The following SUGCT variants were observed in gnomAD, a reference collection of about 807,000 sequenced individuals.
SUGCT encodes succinyl-CoA:glutarate-CoA transferase.
Under a neutral mutation model 55.0 loss-of-function variants are expected in SUGCT, and 41 were observed. The ratio of observed to expected loss-of-function variants is 0.74; its 90% CI spans 0.58 to 0.97. SUGCT has a LOEUF of 0.97. SUGCT is among the 50% of genes least tolerant of loss of function. SUGCT has a pLI of 0.00. For missense variants in SUGCT, 568 were observed against 547.8 expected, an observed-to-expected ratio of 1.04 and a Z score of -0.37; for synonymous variants, 187 against 200.4, an observed-to-expected ratio of 0.93 and a Z score of 0.56.
At chr7:40,166,250 G>T (rs2150663376) in intron 1 of SUGCT, among the ~76,000 whole-genome samples, 1 of 152,318 alleles carries the variant, frequency 6.6e-6, no homozygotes, top group Admixed American at 6.5e-5. Flanking sequence ...TTCAGATGAG[G>T]AAAGGGAAGC....
intron 12 of SUGCT, among the ~76,000 whole-genome samples, chr7:40,672,658 T>G (rs1203926286): frequency 6.6e-5 from 10 of 152,156 alleles, no homozygotes; most frequent in Admixed American, 6.5e-4. Flanking sequence ...CTTTACTCTA[T>G]CAATGTCAAC....
chr7:40,772,534 CTATCTATCTATCTATCTATCTATCTA>C, intron 13 of SUGCT, among the ~76,000 whole-genome samples: 2 of 151,092 alleles, frequency 1.3e-5, no homozygotes, highest in Non-Finnish European at 1.5e-5. Flanking sequence ...ATCTATCTAT[CTATCTATCTATCTATCTATCTATCTA>C]TCTGGTGTTA....
At chr7:40,391,629 A>G (rs1785437416) in intron 9 of SUGCT, among the ~76,000 whole-genome samples, 1 of 152,096 alleles carries the variant, frequency 6.6e-6, no homozygotes, top group Non-Finnish European at 1.5e-5. Flanking sequence ...AAAAGTCAGG[A>G]AACAACAGGT....
chr7:40,489,830 G>A (rs552754292), intron 11 of SUGCT, among the ~76,000 whole-genome samples: 2 of 152,266 alleles, frequency 1.3e-5, no homozygotes, highest in South Asian at 2.1e-4. Flanking sequence ...TATTTTGTCC[G>A]TTTGGTGATG....
intron 12 of SUGCT, among the ~76,000 whole-genome samples, chr7:40,694,193 A>G (rs1784822756): frequency 6.6e-6 from 1 of 152,214 alleles, no homozygotes; most frequent in Non-Finnish European, 1.5e-5. Context: ...CCAAGTGTGA[A>G]TGAGGAAGAT....
chr7:40,797,901 C>G (rs775040530), intron 13 of SUGCT, among the ~76,000 whole-genome samples: 6 of 152,228 alleles, frequency 3.9e-5, no homozygotes, highest in Non-Finnish European at 4.4e-5. Context: ...TTCACCTTCC[C>G]TGCTTGTCTT....
chr7:40,631,744 T>G (rs961104806), intron 12 of SUGCT, among the ~76,000 whole-genome samples: 2 of 152,232 alleles, frequency 1.3e-5, no homozygotes, highest in Non-Finnish European at 2.9e-5. Context: ...GACCACTGAG[T>G]TAAGATTCCC....
the SUGCT span, among the ~76,000 whole-genome samples, chr7:40,912,714 A>G: frequency 1.3e-5 from 2 of 150,918 alleles, no homozygotes; most frequent in Admixed American, 1.3e-4. Flanking sequence ...CTTCATTACT[A>G]CATGACACAG....
intron 9 of SUGCT, among the ~76,000 whole-genome samples, chr7:40,388,598 T>C (rs761036041): frequency 1.3e-5 from 2 of 152,058 alleles, no homozygotes; most frequent in Non-Finnish European, 2.9e-5. Flanking sequence ...GCATTTTTAG[T>C]AGAGATGGGG....
the SUGCT span, among the ~76,000 whole-genome samples, chr7:40,962,475 A>G: frequency 6.6e-6 from 1 of 151,904 alleles, no homozygotes; most frequent in Admixed American, 6.6e-5. Flanking sequence ...TGGTATCTCA[A>G]GATCCTTCAG....
At chr7:40,849,527 G>T (rs920844938) in intron 13 of SUGCT, among the ~76,000 whole-genome samples, 4 of 152,062 alleles carry the variant, frequency 2.6e-5, no homozygotes, top group African/African-American at 4.8e-5. Context: ...ATTCATTATG[G>T]TTTCCCCCAT....
chr7:40,679,638 G>A (rs1195776722), intron 12 of SUGCT, among the ~76,000 whole-genome samples: 1 of 152,158 alleles, frequency 6.6e-6, no homozygotes, highest in Admixed American at 6.5e-5. Context: ...TTCTGGCATG[G>A]ACAATAGAAG....
intron 9 of SUGCT, among the ~76,000 whole-genome samples, chr7:40,442,479 GT>G (rs1222974022): frequency 1.3e-5 from 2 of 150,908 alleles, no homozygotes; most frequent in South Asian, 2.1e-4. Context: ...ATATCATGCA[GT>G]TTTTTTTTCC....
chr7:40,350,358 G>A (rs952496838), intron 9 of SUGCT, among the ~76,000 whole-genome samples: 3 of 150,794 alleles, frequency 2.0e-5, no homozygotes, highest in South Asian at 4.2e-4. Flanking sequence ...CTGTTGCCCA[G>A]GCAGGAGTGC....
At chr7:40,158,397 T>C (rs1783998986) in intron 1 of SUGCT, among the ~76,000 whole-genome samples, 1 of 152,242 alleles carries the variant, frequency 6.6e-6, no homozygotes, top group Non-Finnish European at 1.5e-5. Context: ...TATTTCTATA[T>C]GAAGAGACAT....
At chr7:40,917,189 A>G in the SUGCT span, among the ~76,000 whole-genome samples, 2 of 152,222 alleles carry the variant, frequency 1.3e-5, no homozygotes, top group African/African-American at 4.8e-5. Context: ...AAAATTCATG[A>G]CTGTCAACTC....
chr7:40,211,925 A>T (rs1024397355), intron 6 of SUGCT, among the ~76,000 whole-genome samples: 1 of 152,072 alleles, frequency 6.6e-6, no homozygotes, highest in African/African-American at 2.4e-5. Context: ...TGCATTTTCT[A>T]TCCTAAGTAT....
At chr7:40,997,539 G>T in the SUGCT span, among the ~76,000 whole-genome samples, 1 of 152,110 alleles carries the variant, frequency 6.6e-6, no homozygotes, top group African/African-American at 2.4e-5. Flanking sequence ...TCATGACTTT[G>T]CCCTTCCTTT....
chr7:40,704,115 T>A (rs75961150), intron 12 of SUGCT, among the ~76,000 whole-genome samples: 4,307 of 152,300 alleles, frequency 0.028, 215 homozygotes, highest in African/African-American at 0.098. Flanking sequence ...AATCTCTTAG[T>A]TTAGATGATG....
Sources: allele counts gnomAD v4.1 joint callset (sites outside exome capture counted in the v4.1 genomes callset), GRCh38; gene constraint gnomAD v4.1.1; transcripts MANE v1.5; gene names NCBI Gene and HGNC (gene_info 2026-07-23, HGNC 2026-07-21).